HSD17B12: variants seen among roughly 807,000 people sequenced by gnomAD.
HSD17B12 encodes very-long-chain 3-oxoacyl-CoA reductase.
Under a neutral mutation model 39.3 loss-of-function variants are expected in HSD17B12, and 32 were observed. The ratio of observed to expected loss-of-function variants is 0.81; its 90% CI spans 0.61 to 1.09. The LOEUF (loss-of-function observed/expected upper bound fraction) is 1.09, where lower values mean the gene tolerates loss of function less well. Ranked by LOEUF, HSD17B12 falls within the 50% of genes least tolerant of loss-of-function variation. The pLI, the probability that HSD17B12 is intolerant of heterozygous loss-of-function variation, is 0.00. For missense variants in HSD17B12, 342 were observed against 382.9 expected, an observed-to-expected ratio of 0.89 and a Z score of 0.89; for synonymous variants, 150 against 146.7, an observed-to-expected ratio of 1.02 and a Z score of -0.16.
chr11:43,647,513 A>G, the HSD17B12 span, among the ~76,000 whole-genome samples: 2 of 145,290 alleles, frequency 1.4e-5, no homozygotes, highest in Non-Finnish European at 3.0e-5. Flanking sequence ...TCTTGCCCCA[A>G]GTGATCCTCC....
the HSD17B12 span, among the ~76,000 whole-genome samples, chr11:43,637,694 A>G: frequency 1.3e-5 from 2 of 152,220 alleles, no homozygotes; most frequent in Non-Finnish European, 2.9e-5. Flanking sequence ...ACGCAAAGTT[A>G]ATAGGAGACT....
At chr11:43,733,192 G>A (rs953970861) in intron 1 of HSD17B12, among the ~76,000 whole-genome samples, 1 of 152,218 alleles carries the variant, frequency 6.6e-6, no homozygotes, top group Non-Finnish European at 1.5e-5. Flanking sequence ...TGCTGAATGC[G>A]TCTGTTATAG....
At chr11:43,716,300 T>C (rs1279079873) in intron 1 of HSD17B12, among the ~76,000 whole-genome samples, 1 of 152,222 alleles carries the variant, frequency 6.6e-6, no homozygotes, top group African/African-American at 2.4e-5. Flanking sequence ...ATATCTACTC[T>C]GTAGGAATTT....
At chr11:43,782,506 C>A (rs1298084421) in intron 3 of HSD17B12, among the ~76,000 whole-genome samples, 1 of 151,960 alleles carries the variant, frequency 6.6e-6, no homozygotes, top group South Asian at 2.1e-4. Context: ...CATAGTGTAA[C>A]CCCGTTTACT....
At chr11:43,716,274 C>T (rs560582902) in intron 1 of HSD17B12, among the ~76,000 whole-genome samples, 1 of 152,196 alleles carries the variant, frequency 6.6e-6, no homozygotes, top group East Asian at 1.9e-4. Context: ...ACAAAAGCAA[C>T]CACAAACCAG....
intron 3 of HSD17B12, among the ~76,000 whole-genome samples, chr11:43,783,618 T>C (rs1257895768): frequency 1.3e-5 from 2 of 151,906 alleles, no homozygotes; most frequent in Non-Finnish European, 2.9e-5. Context: ...CCTGTGTCCA[T>C]GTGTTCTCAT....
chr11:43,617,216 CAG>C, the HSD17B12 span, among the ~76,000 whole-genome samples: 4 of 152,128 alleles, frequency 2.6e-5, no homozygotes, highest in African/African-American at 9.7e-5. Flanking sequence ...ATGAGTGACT[CAG>C]GGAGATTTTT....
chr11:43,568,708 A>G, the HSD17B12 span, among the ~76,000 whole-genome samples: 1 of 152,260 alleles, frequency 6.6e-6, no homozygotes, highest in Non-Finnish European at 1.5e-5. Context: ...AAATGGCAGA[A>G]TCAAGACCAG....
intron 4 of HSD17B12, among the ~76,000 whole-genome samples, chr11:43,811,323 T>C (rs778553058): frequency 6.6e-6 from 1 of 152,172 alleles, no homozygotes; most frequent in Non-Finnish European, 1.5e-5. Context: ...ATGGGTATCA[T>C]TCATTCCACA....
chr11:43,585,330 G>T, the HSD17B12 span, among the ~76,000 whole-genome samples: 3 of 152,164 alleles, frequency 2.0e-5, no homozygotes, highest in Non-Finnish European at 4.4e-5. Flanking sequence ...TCAGAGCTTG[G>T]CAGAGAATTT....
At chr11:43,841,372 A>G (rs1283678149) in intron 9 of HSD17B12, among the ~76,000 whole-genome samples, 1 of 152,170 alleles carries the variant, frequency 6.6e-6, no homozygotes, top group African/African-American at 2.4e-5. Flanking sequence ...ATATCTTTTT[A>G]TTCACAAAAG....
At chr11:43,801,977 A>AT (rs376286348) in intron 4 of HSD17B12, among the ~76,000 whole-genome samples, 28 of 149,000 alleles carry the variant, frequency 1.9e-4, no homozygotes, top group Middle Eastern at 3.5e-3. Flanking sequence ...GATGAAGTTA[A>AT]TTTTTTTTTT....
chr11:43,797,641 A>C (rs1950927086), intron 3 of HSD17B12, among the ~76,000 whole-genome samples: 1 of 152,252 alleles, frequency 6.6e-6, no homozygotes, highest in Admixed American at 6.5e-5. Flanking sequence ...ACATTAACTC[A>C]GATGAGTTTT....
intron 2 of HSD17B12, 33 bp downstream of exon 2, chr11:43,750,990 TA>T: frequency 1.4e-6 from 2 of 1,432,838 alleles, no homozygotes; most frequent in Non-Finnish European, 1.9e-6. Context: ...CCTTTTAATA[TA>T]AAAAATAAGA....
At chr11:43,690,848 G>T (rs1199244944) in intron 1 of HSD17B12, among the ~76,000 whole-genome samples, 1 of 151,914 alleles carries the variant, frequency 6.6e-6, no homozygotes, top group East Asian at 1.9e-4. Context: ...GATTAAATGG[G>T]GCTAACTGAT....
At chr11:43,788,681 TC>T (rs1306743434) in intron 3 of HSD17B12, among the ~76,000 whole-genome samples, 2 of 112,214 alleles carry the variant, frequency 1.8e-5, no homozygotes, top group Non-Finnish European at 3.6e-5. Context: ...GTCATTTCCT[TC>T]CTCAAAAAAA....
chr11:43,697,248 A>G (rs570091493), intron 1 of HSD17B12, among the ~76,000 whole-genome samples: 1 of 152,310 alleles, frequency 6.6e-6, no homozygotes, highest in East Asian at 1.9e-4. Context: ...GACATTATAT[A>G]AGCAGATCCA....
the HSD17B12 span, among the ~76,000 whole-genome samples, chr11:43,656,460 T>C: frequency 6.6e-6 from 1 of 152,186 alleles, no homozygotes. Flanking sequence ...ATGTGTTTGC[T>C]CTTGCTTCTC....
intron 3 of HSD17B12, among the ~76,000 whole-genome samples, chr11:43,767,771 C>T (rs899552529): frequency 1.7e-4 from 26 of 152,092 alleles, no homozygotes; most frequent in African/African-American, 5.8e-4. Flanking sequence ...AACACCAGGC[C>T]ACTAAGAATA....
Sources: gnomAD v4.1 joint callset for allele counts (sites outside exome capture counted in the v4.1 genomes callset) on GRCh38, gnomAD v4.1.1 for gene constraint, MANE v1.5 for transcripts, NCBI Gene and HGNC (gene_info 2026-07-23, HGNC 2026-07-21) for gene names.